Variants in EIF3G observed in about 807,000 individuals in gnomAD.
EIF3G encodes the protein eukaryotic translation initiation factor 3 subunit G.
A neutral mutation model predicts 41.7 loss-of-function variants in EIF3G; 10 were observed. The ratio of observed to expected loss-of-function variants is 0.24; its 90% CI spans 0.15 to 0.41. EIF3G has a LOEUF of 0.41. Among genes scored for constraint, EIF3G ranks in the 10% least tolerant of loss-of-function variants. The pLI, the probability that EIF3G is intolerant of heterozygous loss-of-function variation, is 1.00. For synonymous variants in EIF3G, 204 were observed against 172.5 expected, an observed-to-expected ratio of 1.18 and a Z score of -1.43; for missense variants, 297 against 444.0, an observed-to-expected ratio of 0.67 and a Z score of 2.98.
In EIF3G at chr19:10,116,855, C is replaced by T; in HGVS notation, c.540G>A (p.Lys180=). 4 of 1,612,520 alleles carry T rather than the reference C, an allele frequency of 2.5e-6. No homozygotes were observed. Among genetic ancestry groups the T allele is most frequent in the Non-Finnish European group, 3.4e-6 (4 of 1,178,902 alleles). ...PYKDTLGPMQ[K]ELAEQLGLST... ...ACAGGCCCAGCTGCTCGGCCAGCTC[C>T]TTCTGCATGGGCCCCAGCGTATCCT... is the stretch of plus-strand genomic sequence containing the variant. Residue 180 remains lysine (K), a synonymous_variant, in exon 7 of 11, where the codon AAG becomes AAA. Transcript: ENST00000253108. The surrounding 1 kb of genome is among the most constrained non-coding windows in gnomAD (Gnocchi z 4.1).
In EIF3G at chr19:10,116,512, CAG is replaced by C. The variant is rs1018111670; in HGVS notation, c.595+286_595+287del. ...GCATGCAACGGAGACACTATACACA[CAG>C]TGCGCACACACGATGTGGGGTGGTC... On this transcript the variant is annotated intron_variant, in intron 7 of 10. Coordinates refer to ENST00000253108, the MANE Select transcript of EIF3G (RefSeq NM_003755.5). The surrounding 1 kb of genome is among the most constrained non-coding windows in gnomAD (Gnocchi z 4.1). The C allele has an allele frequency of 1.9e-5, 10 of 515,050 alleles. No homozygotes were observed. The highest frequency in any genetic ancestry group is 1.9e-4 in the African/African-American group (10 of 52,646). 31.9% of individuals were successfully genotyped at this position (515,050 alleles called of 1,614,324 possible).
chr19:10,119,268 C>T (rs1429705462), intron 2 of EIF3G, 97 bp from the exon 3 acceptor site: 2 of 1,368,574 alleles, frequency 1.5e-6, no homozygotes, highest in East Asian at 5.0e-5. Context: ...ACAGCAAAAG[C>T]GGAGAAAGGC....
At chr19:10,115,401 C>T (rs2089224702) in intron 10 of EIF3G, 78 bp downstream of exon 10, 3 of 1,469,166 alleles carry the variant, frequency 2.0e-6, no homozygotes, top group Non-Finnish European at 2.8e-6. Context: ...TGGCTCAGGG[C>T]TATTGGTTGG....
Position 10,115,058 on chromosome 19 carries a change from C to CG in EIF3G, c.*55dup, listed in dbSNP as rs1401233155. ...TTATTGCCCTTGGAGCCCGCGCTCT[C>CG]GGAGGCTGTCTTCTGTCGCCAAGGG... On this transcript the variant is annotated 3_prime_UTR_variant, in exon 11 of 11. Transcript: ENST00000253108. The CG allele has an allele frequency of 5.6e-6, 9 of 1,612,070 alleles. No individual in the cohort carries two copies. The Admixed American group carries it at 1.0e-4, about 18-fold the overall frequency.
At chr19:10,115,213 T>G (rs2145225057) in intron 10 of EIF3G, 84 bp from the exon 11 acceptor site, 1 of 1,543,132 alleles carries the variant, frequency 6.5e-7, no homozygotes, top group Non-Finnish European at 8.8e-7. Context: ...TGGGGGTGGG[T>G]GGGCAGAGGA....
intron 5 of EIF3G, 76 bp from the exon 6 acceptor site, chr19:10,117,264 C>T (rs2089267610): frequency 1.9e-6 from 2 of 1,047,264 alleles, no homozygotes; most frequent in Admixed American, 4.5e-5. Context: ...CCTAGACCTA[C>T]AACAGCCACC....
At chr19:10,119,517 C>T in intron 2 of EIF3G, 137 bp downstream of exon 2, 3 of 1,151,438 alleles carry the variant, frequency 2.6e-6, no homozygotes, top group African/African-American at 1.5e-5. Context: ...TGGCAACAGG[C>T]GGGTCCCAAG....
chr19:10,116,124 G>A lies in EIF3G; in HGVS notation c.596-50C>T, dbSNP rs1160179300. ...TCAACCTCACTGTGGCGCAGGCGTGGGGACAGAGCCGCCCCAGGAAGCTCG... is the reference window on the plus strand; with the variant it reads ...TCAACCTCACTGTGGCGCAGGCGTGAGGACAGAGCCGCCCCAGGAAGCTCG... On this transcript the variant is annotated intron_variant, in intron 7 of 10. Coordinates refer to ENST00000253108, the MANE Select transcript of EIF3G (RefSeq NM_003755.5). The surrounding 1 kb of genome is among the most constrained non-coding windows in gnomAD (Gnocchi z 4.1). 6.4e-7 allele frequency: 1 copy of A among 1,561,170 alleles called. No individual in the cohort carries two copies. Among genetic ancestry groups the A allele is most frequent in the Non-Finnish European group, 8.8e-7 (1 of 1,142,216 alleles).
chr19:10,119,824 G>A lies in EIF3G; in HGVS notation c.20+16C>T. ...CCAACCGCTTCCCGTGCCCCTTTCCGCGATCGCCGACTCACTCAAAGTCTC... is the reference window on the plus strand; with the variant it reads ...CCAACCGCTTCCCGTGCCCCTTTCCACGATCGCCGACTCACTCAAAGTCTC... On this transcript the variant is annotated intron_variant, in intron 1 of 10. Coordinates refer to ENST00000253108, the MANE Select transcript of EIF3G (RefSeq NM_003755.5). The A allele has an allele frequency of 6.2e-7, 1 of 1,614,158 alleles. No homozygotes were observed. Among genetic ancestry groups the A allele is most frequent in the Admixed American group, 1.7e-5 (1 of 60,008 alleles).
At position 10,116,471 on chromosome 19, in the gene EIF3G, G is replaced by C; in HGVS notation, c.595+329C>G. Reference sequence around the variant, plus strand: ...CCAGCAAATCCCACCAAAGAATTCGGACGGTACAGCCACAGGCATGCAACG... The same window carrying C: ...CCAGCAAATCCCACCAAAGAATTCGCACGGTACAGCCACAGGCATGCAACG... On this transcript the variant is annotated intron_variant, in intron 7 of 10. Transcript: ENST00000253108. This position sits in a 1 kb window ranked among gnomAD's most constrained non-coding sequence, Gnocchi z 4.1. 1 of 483,386 alleles carries C rather than the reference G, an allele frequency of 2.1e-6. No individual in the cohort carries two copies. Among genetic ancestry groups the C allele is most frequent in the Non-Finnish European group, 3.7e-6 (1 of 268,546 alleles). 29.9% of individuals were successfully genotyped at this position (483,386 alleles called of 1,614,324 possible). A position where few individuals can be genotyped will look rare whatever the true frequency, so the allele number is the denominator to read the frequency against.
intron 5 of EIF3G, chr19:10,118,411 C>G: frequency 2.4e-6 from 1 of 415,064 alleles, no homozygotes; most frequent in South Asian, 2.3e-5. Flanking sequence ...ACTAAAAGTA[C>G]AAAAATTAGC....
At position 10,115,092 on chromosome 19, in the gene EIF3G, C is replaced by A. The variant is rs201130706; in HGVS notation, c.*22G>T. ...TCTTCTGTCGCCAAGGGTCCCGGACCGAGTACACAGTGGCAGCTGGCTTAG... is the reference window on the plus strand; with the variant it reads ...TCTTCTGTCGCCAAGGGTCCCGGACAGAGTACACAGTGGCAGCTGGCTTAG... On this transcript the variant is annotated 3_prime_UTR_variant, in exon 11 of 11. Coordinates refer to ENST00000253108, the MANE Select transcript of EIF3G (RefSeq NM_003755.5). 2.8e-4 allele frequency: 447 copies of A among 1,613,810 alleles called. 2 individuals are homozygous for A. The highest frequency in any genetic ancestry group is 5.4e-5 in the Non-Finnish European group (64 of 1,180,000).
chr19:10,118,661 G>A lies in EIF3G; in HGVS notation c.300+7C>T. ...TCTAGGTTAGCCCTGGGGAAGAAGAGCCTCACCTTCCTCCTTGCGACAGCC... is the reference window on the plus strand; with the variant it reads ...TCTAGGTTAGCCCTGGGGAAGAAGAACCTCACCTTCCTCCTTGCGACAGCC... On this transcript the variant is annotated splice_region_variant and intron_variant, in intron 5 of 10. Transcript: ENST00000253108. The A allele has an allele frequency of 6.2e-7, 1 of 1,613,932 alleles. No individual in the cohort carries two copies. The highest frequency in any genetic ancestry group is 8.5e-7 in the Non-Finnish European group (1 of 1,179,938).
At chr19:10,115,390 T>G (rs570935141) in intron 10 of EIF3G, 89 bp downstream of exon 10, 8 of 1,422,248 alleles carry the variant, frequency 5.6e-6, no homozygotes, top group Admixed American at 4.3e-5. Context: ...GACTGTTAAA[T>G]TGGCTCAGGG....
At chr19:10,118,510 A>G (rs746324538) in intron 5 of EIF3G, 158 bp downstream of exon 5, 1 of 749,724 alleles carries the variant, frequency 1.3e-6, no homozygotes, top group Non-Finnish European at 2.2e-6. Context: ...GGTTGCAGTG[A>G]GTCGAGATCG....
rs778156862 is a variant in EIF3G, at chr19:10,116,009, C to T, written c.661G>A (p.Gly221Arg). The T allele has an allele frequency of 3.1e-6, 5 of 1,613,724 alleles. No homozygotes were observed. Among genetic ancestry groups the T allele is most frequent in the East Asian group, 2.2e-5 (1 of 44,880 alleles). ...ATGGACTCCCCGCGGCGGCTGGCCC[C>T]GTCGCGCAGGCTCGGCGGCACATAC... ...GKYVPPSLRD[G>R]ASRRGESMQP... Residue 221 changes from glycine (G) to arginine (R), a missense_variant, in exon 8 of 11, where the codon GGG becomes AGG. Transcript: ENST00000253108. The surrounding 1 kb of genome is among the most constrained non-coding windows in gnomAD (Gnocchi z 4.1).
At position 10,116,223 on chromosome 19, in the gene EIF3G, G is replaced by A. The variant is rs2089246833; in HGVS notation, c.596-149C>T. 3 of 717,320 alleles carry A rather than the reference G, an allele frequency of 4.2e-6. No homozygotes were observed. 44.4% of individuals were successfully genotyped at this position (717,320 alleles called of 1,614,324 possible). A position where few individuals can be genotyped will look rare whatever the true frequency, so the allele number is the denominator to read the frequency against. On this transcript the variant is annotated intron_variant, in intron 7 of 10. Transcript: ENST00000253108. This position sits in a 1 kb window ranked among gnomAD's most constrained non-coding sequence, Gnocchi z 4.1. Reference sequence around the variant, plus strand: ...GCCAGTTGGCCACGAGGACACCAAGGTGACACCTGAGAAGCTGACACCATT... The same window carrying A: ...GCCAGTTGGCCACGAGGACACCAAGATGACACCTGAGAAGCTGACACCATT...
At chr19:10,119,631 C>T (rs770395593) in intron 2 of EIF3G, 23 bp downstream of exon 2, 1 of 1,556,700 alleles carries the variant, frequency 6.4e-7, no homozygotes, top group East Asian at 2.3e-5. Context: ...CCGCGAATAC[C>T]CCGGGCGACC....
At chr19:10,118,277 T>G in intron 5 of EIF3G, 1 of 237,164 alleles carries the variant, frequency 4.2e-6, no homozygotes, top group Non-Finnish European at 8.4e-6. Context: ...TACAAAGAGG[T>G]AAGCCTGGCC....
Sources: gnomAD v4.1 joint callset for allele counts on GRCh38, gnomAD v4.1.1 for gene constraint, Gnocchi (gnomAD v3.1) non-coding constraint, MANE v1.5 for transcripts, NCBI Gene and HGNC (gene_info 2026-07-23, HGNC 2026-07-21) for gene names.